The following SORCS2 variants were observed in gnomAD, a reference collection of about 807,000 sequenced individuals.
The protein encoded by SORCS2 is VPS10 domain-containing receptor SorCS2.
A neutral mutation model predicts 141.6 loss-of-function variants in SORCS2; 100 were observed. The ratio of observed to expected loss-of-function variants is 0.71; its 90% CI spans 0.60 to 0.83. SORCS2 has a LOEUF of 0.83. Among genes scored for constraint, SORCS2 ranks in the 40% least tolerant of loss-of-function variants. SORCS2 has a pLI of 0.00. For missense variants in SORCS2, 1,646 were observed against 1,560.2 expected (o/e 1.05, Z -0.93); for synonymous variants, 789 against 676.9 (o/e 1.17, Z -2.57).
At chr4:7,581,547 G>A (rs771214862) in intron 3 of SORCS2, among the ~76,000 whole-genome samples, 6 of 152,174 alleles carry the variant, frequency 3.9e-5, no homozygotes, top group Non-Finnish European at 8.8e-5. Context: ...AGGAGCCCCC[G>A]TTGTGAGTAT....
intron 3 of SORCS2, among the ~76,000 whole-genome samples, chr4:7,539,001 G>A (rs1452895404): frequency 6.6e-6 from 1 of 152,216 alleles, no homozygotes; most frequent in Non-Finnish European, 1.5e-5. Context: ...GCCCTGCAGG[G>A]TAAGGATGCT....
intron 1 of SORCS2, among the ~76,000 whole-genome samples, chr4:7,329,856 A>G (rs1719534027): frequency 6.6e-6 from 1 of 152,090 alleles, no homozygotes; most frequent in Non-Finnish European, 1.5e-5. Context: ...GGGGGAGTAA[A>G]TGCATTTTTG....
intron 3 of SORCS2, among the ~76,000 whole-genome samples, chr4:7,595,393 T>A (rs1717201527): frequency 6.6e-6 from 1 of 152,068 alleles, no homozygotes; most frequent in African/African-American, 2.4e-5. Context: ...CACTGGCCAT[T>A]GGTGACTAAC....
intron 8 of SORCS2, among the ~76,000 whole-genome samples, chr4:7,667,762 G>A (rs2108931832): frequency 6.6e-6 from 1 of 152,314 alleles, no homozygotes; most frequent in East Asian, 1.9e-4. Context: ...GCGAAGAAGG[G>A]GGACCAGGGG....
At chr4:7,483,925 C>CA (rs1175576979) in intron 2 of SORCS2, among the ~76,000 whole-genome samples, 1 of 151,876 alleles carries the variant, frequency 6.6e-6, no homozygotes, top group East Asian at 1.9e-4. Context: ...AACAAACAAA[C>CA]AAAAAACCAA....
intron 17 of SORCS2, among the ~76,000 whole-genome samples, chr4:7,715,521 AC>A (rs1308539490): frequency 1.3e-5 from 2 of 152,158 alleles, no homozygotes; most frequent in Non-Finnish European, 2.9e-5. Flanking sequence ...TGAGTGAATG[AC>A]CTTAGCTCCC....
At chr4:7,336,807 G>A (rs556535391) in intron 1 of SORCS2, among the ~76,000 whole-genome samples, 5 of 152,296 alleles carry the variant, frequency 3.3e-5, no homozygotes, top group Admixed American at 6.5e-5. Flanking sequence ...ATTGGAGTTG[G>A]CACTTTGGGC....
intron 1 of SORCS2, among the ~76,000 whole-genome samples, chr4:7,316,125 C>A (rs987288064): frequency 6.6e-6 from 1 of 151,632 alleles, no homozygotes; most frequent in African/African-American, 2.4e-5. Context: ...TATCTACCAT[C>A]CATTTATCTA....
intron 2 of SORCS2, among the ~76,000 whole-genome samples, chr4:7,507,320 G>A (rs909611250): frequency 6.6e-6 from 1 of 152,058 alleles, no homozygotes; most frequent in Non-Finnish European, 1.5e-5. Context: ...GATTACAGGC[G>A]CGTGCCACCA....
intron 1 of SORCS2, among the ~76,000 whole-genome samples, chr4:7,355,292 C>G (rs1329303159): frequency 1.3e-5 from 2 of 152,108 alleles, no homozygotes; most frequent in Non-Finnish European, 2.9e-5. Flanking sequence ...TTTATGGCAT[C>G]CCACCCCGCC....
At chr4:7,715,086 G>A (rs1726098370) in intron 16 of SORCS2, 97 bp from the exon 17 acceptor site, 1 of 1,533,980 alleles carries the variant, frequency 6.5e-7, no homozygotes, top group African/African-American at 1.4e-5. Flanking sequence ...CTTGACATGA[G>A]GTTCCCTTCT....
At chr4:7,604,420 C>G (rs1443283937) in intron 3 of SORCS2, among the ~76,000 whole-genome samples, 1 of 152,210 alleles carries the variant, frequency 6.6e-6, no homozygotes, top group Non-Finnish European at 1.5e-5. Context: ...CGGGTTTATG[C>G]CATTCTCCTG....
Position 7,292,175 on chromosome 4 carries a change from C to A in SORCS2, c.480+99049C>A, listed in dbSNP as rs1339812206. ...CTTCACAGTCCGTTCACCAAGGAGG[C>A]TCCCCCCACCATTGACAGTCTGTTC... On this transcript the variant is annotated intron_variant, in intron 1 of 26. Coordinates refer to ENST00000507866, the MANE Select transcript of SORCS2 (RefSeq NM_020777.3). 5.9e-5 allele frequency among the ~76,000 whole-genome samples: 9 copies of A among 151,646 alleles called. No individual in the cohort carries two copies. In the East Asian group the frequency reaches 1.7e-3, roughly 29 times the overall value.
chr4:7,344,196 G>A lies in SORCS2; in HGVS notation c.481-52092G>A, dbSNP rs191124571. Among the ~76,000 whole-genome samples, 7 of 152,284 alleles carry A rather than the reference G, an allele frequency of 4.6e-5. No individual in the cohort carries two copies. The East Asian group carries it at 9.7e-4, about 21-fold the overall frequency. The stretch of plus-strand genomic sequence containing the variant: ...CTATCAGGCAGTGCCATTTGCCCCC[G>A]CCATGCCCCCAGTGCAGGGCCTGGG... On this transcript the variant is annotated intron_variant, in intron 1 of 26. Transcript: ENST00000507866.
chr4:7,460,275 A>T lies in SORCS2; in HGVS notation c.548+63920A>T, dbSNP rs548650483. Among the ~76,000 whole-genome samples the T allele has an allele frequency of 9.8e-4, 149 of 152,374 alleles. 1 individual carries two copies. Among genetic ancestry groups the T allele is most frequent in the African/African-American group, 3.1e-3 (130 of 41,596 alleles). ...AGCGATGCCATGCCCTAAGCCCCAGAGGACATGGTCCCCGATGCTGCCATC... is the reference window on the plus strand; with the variant it reads ...AGCGATGCCATGCCCTAAGCCCCAGTGGACATGGTCCCCGATGCTGCCATC... On this transcript the variant is annotated intron_variant, in intron 2 of 26. Coordinates refer to ENST00000507866, the MANE Select transcript of SORCS2 (RefSeq NM_020777.3).
At chr4:7,305,125 G>T (rs532712768) in intron 1 of SORCS2, among the ~76,000 whole-genome samples, 1 of 150,848 alleles carries the variant, frequency 6.6e-6, no homozygotes, top group African/African-American at 2.4e-5. Flanking sequence ...TCCGCCTCCC[G>T]GGTTCGTGCC....
chr4:7,422,426 C>T (rs909109757), intron 2 of SORCS2, among the ~76,000 whole-genome samples: 2 of 152,142 alleles, frequency 1.3e-5, no homozygotes, highest in African/African-American at 4.8e-5. Context: ...GGACACTGCC[C>T]GTGGGCCCAC....
At chr4:7,196,197 G>A (rs1378251033) in intron 1 of SORCS2, among the ~76,000 whole-genome samples, 1 of 152,222 alleles carries the variant, frequency 6.6e-6, no homozygotes, top group African/African-American at 2.4e-5. Context: ...ATTGTTATGT[G>A]TGAAATTAAT....
chr4:7,488,381 G>T (rs190027876), intron 2 of SORCS2, among the ~76,000 whole-genome samples: 42 of 152,310 alleles, frequency 2.8e-4, no homozygotes, highest in African/African-American at 8.9e-4. Flanking sequence ...TGAGATCCTG[G>T]GGATCAGCCT....
Sources: gnomAD v4.1 joint callset for allele counts (sites outside exome capture counted in the v4.1 genomes callset) on GRCh38, gnomAD v4.1.1 for gene constraint, MANE v1.5 for transcripts, NCBI Gene and HGNC (gene_info 2026-07-23, HGNC 2026-07-21) for gene names.